The following BRI3 variants were observed in gnomAD, a reference collection of about 807,000 sequenced individuals.
The protein encoded by BRI3 is brain protein I3.
In BRI3, 6 loss-of-function variants were observed where a neutral mutation model predicts 12.8. The observed-to-expected ratio is 0.47, with a 90% CI of 0.26 to 0.93. The LOEUF (loss-of-function observed/expected upper bound fraction) is 0.93, where lower values mean the gene tolerates loss of function less well. Among genes scored for constraint, BRI3 ranks in the 40% least tolerant of loss-of-function variants. BRI3 has a pLI of 0.15. For synonymous variants in BRI3, 91 were observed against 76.1 expected, an observed-to-expected ratio of 1.20 and a Z score of -1.02; for missense variants, 134 against 171.1, an observed-to-expected ratio of 0.78 and a Z score of 1.21.
At chr7:98,293,143 C>G (rs1056100117), downstream of BRI3, 16 of 341,124 alleles carry the variant, frequency 4.7e-5, no homozygotes, top group Non-Finnish European at 7.2e-5. Context: ...TAAAATAAAA[C>G]TGGTCTCATT....
chr7:98,302,800 T>A (rs1173157552), upstream of BRI3, among the ~76,000 whole-genome samples: 1 of 152,190 alleles, frequency 6.6e-6, no homozygotes, highest in African/African-American at 2.4e-5. Flanking sequence ...CATTTTTCTT[T>A]TTTTATGAGA....
At chr7:98,320,233 G>A in the BRI3 span, 94 of 1,605,648 alleles carry the variant, frequency 5.9e-5, no homozygotes, top group Non-Finnish European at 7.5e-5. Context: ...CACAGATCAC[G>A]TACATTTTCA....
In BRI3 at chr7:98,282,116, C is replaced by T. The variant is rs555903067; in HGVS notation, c.142+179C>T. On this transcript the variant is annotated intron_variant, in intron 1 of 2. Transcript: ENST00000297290. ...CAGCCTCCCCCCCGGGGCTCTAGTC[C>T]TCGGGCCCGTCGTAACCCGGCGGGG... Among the ~76,000 whole-genome samples the T allele has an allele frequency of 1.0e-3, 154 of 152,282 alleles. 1 individual carries two copies. The highest frequency in any genetic ancestry group is 1.9e-3 in the Admixed American group (29 of 15,312).
intron 2 of BRI3, 163 bp downstream of exon 2, chr7:98,282,616 T>A: frequency 1.6e-6 from 1 of 632,626 alleles, no homozygotes; most frequent in Non-Finnish European, 2.8e-6. Flanking sequence ...GAATGCGGTG[T>A]GGGAGAGTGC....
chr7:98,282,734 G>A (rs879162995), intron 2 of BRI3: 1 of 400,510 alleles, frequency 2.5e-6, no homozygotes, highest in Admixed American at 4.3e-5. Context: ...TGTAGAAATG[G>A]TAACAACGGG....
At chr7:98,285,291 G>A (rs554387110) in intron 2 of BRI3, among the ~76,000 whole-genome samples, 5 of 152,182 alleles carry the variant, frequency 3.3e-5, no homozygotes, top group African/African-American at 4.8e-5. Flanking sequence ...AGGGCACGGG[G>A]TGGTGACTGT....
the BRI3 span, among the ~76,000 whole-genome samples, chr7:98,321,793 G>A: frequency 3.3e-5 from 5 of 152,060 alleles, no homozygotes; most frequent in African/African-American, 9.7e-5. Context: ...ACAGCTCAGC[G>A]GCCAGATAAA....
At chr7:98,316,194 G>T in the BRI3 span, among the ~76,000 whole-genome samples, 1 of 152,062 alleles carries the variant, frequency 6.6e-6, no homozygotes, top group Non-Finnish European at 1.5e-5. Flanking sequence ...CATGTAAGAC[G>T]TGACTTGCTC....
chr7:98,310,322 T>G, exon 2 of BRI3: 1 of 1,093,896 alleles, frequency 9.1e-7, no homozygotes, highest in Non-Finnish European at 1.3e-6. Flanking sequence ...GCTGAATGTA[T>G]CTACCATACC....
At chr7:98,303,634 G>C (rs776189731), upstream of BRI3, among the ~76,000 whole-genome samples, 2 of 152,172 alleles carry the variant, frequency 1.3e-5, no homozygotes, top group African/African-American at 4.8e-5. Flanking sequence ...GCCTCTGTGC[G>C]GTGGCGGGAA....
intron 2 of BRI3, among the ~76,000 whole-genome samples, chr7:98,287,843 T>C (rs1443346624): frequency 1.3e-5 from 2 of 152,168 alleles, no homozygotes; most frequent in Non-Finnish European, 2.9e-5. Flanking sequence ...ATGTCTCTGC[T>C]GCGCCCCATG....
chr7:98,315,310 TAG>T, downstream of BRI3: 1 of 585,272 alleles, frequency 1.7e-6, no homozygotes, highest in Non-Finnish European at 2.5e-6. Flanking sequence ...TTATTTTTTA[TAG>T]AGACAGAGTT....
chr7:98,311,351 G>C (rs907974757), downstream of BRI3, among the ~76,000 whole-genome samples: 2 of 151,656 alleles, frequency 1.3e-5, no homozygotes, highest in African/African-American at 4.8e-5. Context: ...TGACCATCCT[G>C]GCTAACATGG....
chr7:98,298,505 C>G (rs930408995), intron 1 of BRI3, among the ~76,000 whole-genome samples: 1 of 151,772 alleles, frequency 6.6e-6, no homozygotes, highest in Non-Finnish European at 1.5e-5. Context: ...CCCAGCTACT[C>G]GGGAGGCTGA....
downstream of BRI3, among the ~76,000 whole-genome samples, chr7:98,296,835 G>A (rs936133973): frequency 3.3e-5 from 5 of 152,176 alleles, no homozygotes; most frequent in African/African-American, 1.2e-4. Flanking sequence ...TGGCACATAC[G>A]GTGCCTCTTA....
At chr7:98,294,914 C>T (rs62479858), downstream of BRI3, among the ~76,000 whole-genome samples, 36,177 of 152,024 alleles carry the variant, frequency 0.24, 4,633 homozygotes, top group East Asian at 0.46. Flanking sequence ...GGTGTGTGCG[C>T]GCCTTCTTTC....
At chr7:98,314,202 C>G (rs929901556), downstream of BRI3, among the ~76,000 whole-genome samples, 7 of 151,720 alleles carry the variant, frequency 4.6e-5, no homozygotes, top group Admixed American at 4.6e-4. Context: ...AGGCTGGTCT[C>G]AAACTCCTGA....
At position 98,310,263 on chromosome 7, in the gene BRI3, C is replaced by T. The variant is rs578097481; in HGVS notation, n.2893C>T. On this transcript the variant is annotated non_coding_transcript_exon_variant, in exon 2 of 2. Transcript: ENST00000485422. ...AAATGTATCACTTATCAGAGCGTCT[C>T]ACAGTCTAGTCCTGTATTTCTTCTG... 192 of 575,730 alleles carry T rather than the reference C, an allele frequency of 3.3e-4. 5 individuals carry two copies. In the South Asian group the frequency reaches 4.5e-3, roughly 13 times the overall value. 35.7% of individuals were successfully genotyped at this position (575,730 alleles called of 1,614,324 possible). A position where few individuals can be genotyped will look rare whatever the true frequency, so the allele number is the denominator to read the frequency against.
At position 98,288,202 on chromosome 7, in the gene BRI3, T is replaced by C. The variant is rs192713922; in HGVS notation, c.246-2909T>C. Among the ~76,000 whole-genome samples the C allele has an allele frequency of 2.6e-4, 39 of 152,328 alleles. No individual in the cohort carries two copies. The East Asian group carries it at 6.0e-3, about 23-fold the overall frequency. ...AAGAAAAGGGAAGAGGAAGCTCCCC[T>C]GAGAGGCCTGAGGCCACTGGCTCCC... On this transcript the variant is annotated intron_variant, in intron 2 of 2. Transcript: ENST00000297290.
Sources: gnomAD v4.1 joint callset for allele counts (sites outside exome capture counted in the v4.1 genomes callset) on GRCh38, gnomAD v4.1.1 for gene constraint, MANE v1.5 for transcripts, NCBI Gene and HGNC (gene_info 2026-07-23, HGNC 2026-07-21) for gene names.